GALNT18: variants seen among roughly 807,000 people sequenced by gnomAD.
GALNT18 encodes the protein GalNAc-transferase 18.
A neutral mutation model predicts 69.5 loss-of-function variants in GALNT18; 44 were observed. The ratio of observed to expected loss-of-function variants is 0.63; its 90% CI spans 0.50 to 0.81. The LOEUF (loss-of-function observed/expected upper bound fraction) is 0.81, where lower values mean the gene tolerates loss of function less well. Ranked by LOEUF, GALNT18 falls within the 40% of genes least tolerant of loss-of-function variation. GALNT18 has a pLI of 0.00. For missense variants in GALNT18, 715 were observed against 810.0 expected (o/e 0.88, Z 1.42); for synonymous variants, 364 against 318.2 (o/e 1.14, Z -1.53).
intron 1 of GALNT18, among the ~76,000 whole-genome samples, chr11:11,530,503 G>A (rs1857621942): frequency 6.6e-6 from 1 of 152,194 alleles, no homozygotes. Context: ...GTGATCTGGA[G>A]TGCATTTTTC....
chr11:11,522,483 C>G (rs1184560124), intron 1 of GALNT18, among the ~76,000 whole-genome samples: 2 of 152,126 alleles, frequency 1.3e-5, no homozygotes, highest in South Asian at 2.1e-4. Flanking sequence ...ATAGCACAGA[C>G]AAGAGATGAA....
intron 10 of GALNT18, among the ~76,000 whole-genome samples, chr11:11,285,214 G>A (rs1342498960): frequency 6.6e-6 from 1 of 152,050 alleles, no homozygotes; most frequent in Admixed American, 6.6e-5. Context: ...GGCAGGACAA[G>A]GGACCATGGT....
chr11:11,551,961 G>A (rs1488535594), intron 1 of GALNT18, among the ~76,000 whole-genome samples: 1 of 152,214 alleles, frequency 6.6e-6, no homozygotes, highest in Non-Finnish European at 1.5e-5. Flanking sequence ...ACATTGATCA[G>A]TTAAGGGTTG....
intron 1 of GALNT18, among the ~76,000 whole-genome samples, chr11:11,615,202 G>A (rs1396532833): frequency 6.6e-6 from 1 of 152,210 alleles, no homozygotes; most frequent in African/African-American, 2.4e-5. Flanking sequence ...AAGCTCAGAT[G>A]AGAAGAACAC....
At position 11,587,863 on chromosome 11, in the gene GALNT18, A is replaced by G. The variant is rs1319737593; in HGVS notation, c.235+33496T>C. ...CCAAAGAATAATAAGAACACAAAAT[A>G]TAGAAATCCGAAAGGAAAGAGAGAG... On this transcript the variant is annotated intron_variant, in intron 1 of 10. Transcript: ENST00000227756. This position sits in a 1 kb window ranked among gnomAD's most constrained non-coding sequence, Gnocchi z 4.4. Among the ~76,000 whole-genome samples the G allele has an allele frequency of 6.6e-6, 1 of 152,124 alleles. No homozygotes were observed. The highest frequency in any genetic ancestry group is 1.5e-5 in the Non-Finnish European group (1 of 68,030).
At chr11:11,274,614 A>G (rs943836319) in intron 10 of GALNT18, among the ~76,000 whole-genome samples, 2 of 152,154 alleles carry the variant, frequency 1.3e-5, no homozygotes, top group African/African-American at 4.8e-5. Flanking sequence ...GTTTTGTTAC[A>G]TAGGTATATG....
chr11:11,512,943 C>A (rs114236810), intron 1 of GALNT18, among the ~76,000 whole-genome samples: 1 of 152,102 alleles, frequency 6.6e-6, no homozygotes, highest in Admixed American at 6.5e-5. Context: ...GGTACCTGTG[C>A]GTGTGCATCT....
At position 11,372,040 on chromosome 11, in the gene GALNT18, G is replaced by A. The variant is rs567692637; in HGVS notation, c.1092+475C>T. ...GCAGTGAGCCTGGCTGCATCTTGCTGTTTATACACCCTGAGTTTATTTCTC... is the reference window on the plus strand; with the variant it reads ...GCAGTGAGCCTGGCTGCATCTTGCTATTTATACACCCTGAGTTTATTTCTC... On this transcript the variant is annotated intron_variant, in intron 6 of 10. Transcript: ENST00000227756. The surrounding 1 kb of genome is among the most constrained non-coding windows in gnomAD (Gnocchi z 4.9). Among the ~76,000 whole-genome samples the A allele has an allele frequency of 6.6e-6, 1 of 152,302 alleles. No individual in the cohort carries two copies. The highest frequency in any genetic ancestry group is 6.5e-5 in the Admixed American group (1 of 15,306).
At position 11,621,715 on chromosome 11, in the gene GALNT18, C is replaced by G; in HGVS notation, c.-122G>C. ...GCTGGGCACCTCAGCACCTGAGTCC[C>G]GAGGTTCTCCAAAGCCCGGTCCGCT... On this transcript the variant is annotated 5_prime_UTR_variant, in exon 1 of 11. Transcript: ENST00000227756. The surrounding 1 kb of genome is among the most constrained non-coding windows in gnomAD (Gnocchi z 9.3). The G allele has an allele frequency of 1.4e-6, 1 of 701,454 alleles. No individual in the cohort carries two copies. 43.5% of individuals were successfully genotyped at this position (701,454 alleles called of 1,614,324 possible). A position where few individuals can be genotyped will look rare whatever the true frequency, so the allele number is the denominator to read the frequency against.
intron 1 of GALNT18, among the ~76,000 whole-genome samples, chr11:11,449,954 G>A (rs1173700939): frequency 6.6e-6 from 1 of 152,230 alleles, no homozygotes; most frequent in Non-Finnish European, 1.5e-5. Context: ...ATCTCTCTTT[G>A]ATGGGGGCTA....
At chr11:11,311,092 C>T (rs1035943095) in intron 9 of GALNT18, among the ~76,000 whole-genome samples, 1 of 152,098 alleles carries the variant, frequency 6.6e-6, no homozygotes, top group African/African-American at 2.4e-5. Flanking sequence ...AGGGACACTG[C>T]TGGTGTCAGG....
intron 3 of GALNT18, among the ~76,000 whole-genome samples, chr11:11,403,239 C>T (rs1171110241): frequency 1.3e-5 from 2 of 152,190 alleles, no homozygotes; most frequent in African/African-American, 2.4e-5. Context: ...GTGAATCCTC[C>T]ACATCACATT....
chr11:11,555,471 G>C lies in GALNT18; in HGVS notation c.235+65888C>G, dbSNP rs1252225505. On this transcript the variant is annotated intron_variant, in intron 1 of 10. Transcript: ENST00000227756. The surrounding 1 kb of genome is among the most constrained non-coding windows in gnomAD (Gnocchi z 4.7). The stretch of plus-strand genomic sequence containing the variant: ...GCGTGCAGCTTAAAACACAGGTCTG[G>C]CGTGAGTCTCCTGTGACAAAGCTCT... 1.3e-5 allele frequency among the ~76,000 whole-genome samples: 2 copies of C among 152,214 alleles called. No homozygotes were observed. Among genetic ancestry groups the C allele is most frequent in the African/African-American group, 4.8e-5 (2 of 41,448 alleles).
Position 11,282,602 on chromosome 11 carries a change from CTTGCCT to C in GALNT18, c.1677+10421_1677+10426del, listed in dbSNP as rs1404777864. Among the ~76,000 whole-genome samples the C allele has an allele frequency of 7.9e-5, 12 of 152,264 alleles. No homozygotes were observed. In the East Asian group the frequency reaches 2.3e-3, roughly 29 times the overall value. ...GCTAGGATGGTGGCCAGCCCCAGCC[CTTGCCT>C]ATCACAGTGGTGGTGAACTAGACTG... is the stretch of plus-strand genomic sequence containing the variant. On this transcript the variant is annotated intron_variant, in intron 10 of 10. Transcript: ENST00000227756.
At chr11:11,328,364 G>A (rs1174409762) in intron 8 of GALNT18, among the ~76,000 whole-genome samples, 1 of 152,156 alleles carries the variant, frequency 6.6e-6, no homozygotes, top group Non-Finnish European at 1.5e-5. Flanking sequence ...CTGGAGATCA[G>A]AATCCAGGGA....
intron 1 of GALNT18, among the ~76,000 whole-genome samples, chr11:11,535,050 AT>A: frequency 6.6e-6 from 1 of 152,362 alleles, no homozygotes; most frequent in South Asian, 2.1e-4. Flanking sequence ...CTGAACCACC[AT>A]TTCCTTGTCT....
chr11:11,382,483 C>T lies in GALNT18; in HGVS notation c.596-3219G>A, dbSNP rs889649086. On this transcript the variant is annotated intron_variant, in intron 3 of 10. Transcript: ENST00000227756. This position sits in a 1 kb window ranked among gnomAD's most constrained non-coding sequence, Gnocchi z 4.3. ...ATATACACATAAACACACACACATA[C>T]CTGTTCACATATAATATCTCTCAGA... Among the ~76,000 whole-genome samples the T allele has an allele frequency of 1.1e-4, 17 of 152,274 alleles. No homozygotes were observed. The highest frequency in any genetic ancestry group is 4.1e-4 in the African/African-American group (17 of 41,552).
At chr11:11,491,131 T>C (rs1365755811) in intron 1 of GALNT18, among the ~76,000 whole-genome samples, 1 of 152,062 alleles carries the variant, frequency 6.6e-6, no homozygotes, top group African/African-American at 2.4e-5. Flanking sequence ...TCGTTGTCAC[T>C]AGGGAGTCAG....
chr11:11,310,021 C>T (rs1253798035), intron 9 of GALNT18, among the ~76,000 whole-genome samples: 1 of 152,192 alleles, frequency 6.6e-6, no homozygotes, highest in African/African-American at 2.4e-5. Flanking sequence ...TGCACACCTC[C>T]TTTCAACCCC....
Sources: allele counts gnomAD v4.1 joint callset (sites outside exome capture counted in the v4.1 genomes callset), GRCh38; gene constraint gnomAD v4.1.1; non-coding constraint Gnocchi (gnomAD v3.1); transcripts MANE v1.5; gene names NCBI Gene and HGNC (gene_info 2026-07-23, HGNC 2026-07-21).